YKT6: variants seen among roughly 807,000 people sequenced by gnomAD.
YKT6 encodes the protein synaptobrevin homolog YKT6.
YKT6 carries 12 observed loss-of-function variants against 29.3 expected under a neutral mutation model. The observed-to-expected ratio is 0.41, with a 90% CI of 0.26 to 0.66. The LOEUF is 0.66. YKT6 is among the 30% of genes least tolerant of loss of function. The pLI, the probability that YKT6 is intolerant of heterozygous loss-of-function variation, is 0.32. For synonymous variants in YKT6, 86 were observed against 94.3 expected, an observed-to-expected ratio of 0.91 and a Z score of 0.51; for missense variants, 188 against 243.8, an observed-to-expected ratio of 0.77 and a Z score of 1.52.
intron 5 of YKT6, 141 bp downstream of exon 5, chr7:44,208,339 C>G (rs2096343130): frequency 1.2e-6 from 1 of 846,034 alleles, no homozygotes; most frequent in South Asian, 1.6e-5. Flanking sequence ...CCACCCCTTC[C>G]CCCACCCCGG....
rs1431608371 is a variant in YKT6 at position 44,212,510 on chromosome 7, T to A, written c.*228T>A. ...GAATTTGAGGTCCCCAAAGGTGTAT[T>A]TTTGGGCAAATGAAACCATAAACTC... On this transcript the variant is annotated 3_prime_UTR_variant, in exon 7 of 7. Coordinates refer to ENST00000223369, the MANE Select transcript of YKT6 (RefSeq NM_006555.4). 1.9e-6 allele frequency: 1 copy of A among 517,230 alleles called. No individual in the cohort carries two copies. Among genetic ancestry groups the A allele is most frequent in the African/African-American group, 1.9e-5 (1 of 51,972 alleles). The allele number at this position is 517,230 out of a possible 1,614,324, so 32.0% of individuals were successfully genotyped here.
At chr7:44,201,308 G>T (rs1484634203) in intron 1 of YKT6, 69 bp downstream of exon 1, 1 of 1,407,512 alleles carries the variant, frequency 7.1e-7, no homozygotes, top group African/African-American at 1.5e-5. Context: ...CCGAGTCGGA[G>T]TGGGCCTGGG....
At chr7:44,208,917 G>A (rs910703726) in intron 5 of YKT6, among the ~76,000 whole-genome samples, 3 of 152,026 alleles carry the variant, frequency 2.0e-5, no homozygotes, top group African/African-American at 7.2e-5. Context: ...TCTCAGATCC[G>A]CCCCAGGATA....
At chr7:44,208,327 G>A in intron 5 of YKT6, 129 bp downstream of exon 5, 1 of 974,420 alleles carries the variant, frequency 1.0e-6, no homozygotes, top group Non-Finnish European at 1.6e-6. Context: ...AAGTGGGATT[G>A]CCCACCCCTT....
chr7:44,206,184 C>G (rs2096340611), intron 2 of YKT6, among the ~76,000 whole-genome samples: 1 of 152,196 alleles, frequency 6.6e-6, no homozygotes, highest in Admixed American at 6.5e-5. Context: ...ATTTACTGGT[C>G]CTAAAGCAGG....
chr7:44,212,032 C>T (rs1269009915), intron 6 of YKT6, among the ~76,000 whole-genome samples: 1 of 152,128 alleles, frequency 6.6e-6, no homozygotes, highest in Non-Finnish European at 1.5e-5. Context: ...AAAAAGGATC[C>T]CAGACTAGTT....
At chr7:44,205,562 ATTTG>A (rs2096340003) in intron 2 of YKT6, among the ~76,000 whole-genome samples, 2 of 151,794 alleles carry the variant, frequency 1.3e-5, no homozygotes, top group Admixed American at 1.3e-4. Flanking sequence ...CTCCTCTTTT[ATTTG>A]TTTTTCTGTT....
intron 2 of YKT6, among the ~76,000 whole-genome samples, chr7:44,205,459 C>T (rs1329778388): frequency 6.6e-6 from 1 of 152,214 alleles, no homozygotes; most frequent in African/African-American, 2.4e-5. Flanking sequence ...ATCTGGAGAG[C>T]ATTGGTGACA....
At chr7:44,208,276 A>G in intron 5 of YKT6, 78 bp downstream of exon 5, 3 of 1,497,604 alleles carry the variant, frequency 2.0e-6, no homozygotes, top group African/African-American at 1.4e-5. Flanking sequence ...GCACAGATCC[A>G]TCCTCGTTTT....
At chr7:44,211,459 T>G (rs1019074242) in intron 6 of YKT6, 22 of 843,574 alleles carry the variant, frequency 2.6e-5, no homozygotes, top group Admixed American at 1.5e-4. Context: ...TGTTGAATCT[T>G]ATTCCTCTTT....
rs1039136597 is a variant in YKT6 at position 44,213,668 on chromosome 7, C to G, written c.*1386C>G. On this transcript the variant is annotated 3_prime_UTR_variant, in exon 7 of 7. Coordinates refer to ENST00000223369, the MANE Select transcript of YKT6 (RefSeq NM_006555.4). ...TGGTATGGTCCTTGGGAGCTCTGCT[C>G]TGAGCTTGCCACACTGCTGAGAGCA... is the stretch of plus-strand genomic sequence containing the variant. The G allele has an allele frequency of 6.6e-6, 1 of 152,280 alleles. No homozygotes were observed. Among genetic ancestry groups the G allele is most frequent in the Admixed American group, 6.5e-5 (1 of 15,284 alleles). 9.4% of individuals were successfully genotyped at this position (152,280 alleles called of 1,614,324 possible).
At chr7:44,211,523 G>C in intron 6 of YKT6, 1 of 1,013,310 alleles carries the variant, frequency 9.9e-7, no homozygotes, top group Middle Eastern at 2.9e-4. Flanking sequence ...TTCCTGAAGA[G>C]GTTCTTAAGC....
intron 1 of YKT6, among the ~76,000 whole-genome samples, chr7:44,202,053 T>C (rs2096336281): frequency 6.6e-6 from 1 of 152,208 alleles, no homozygotes; most frequent in African/African-American, 2.4e-5. Context: ...GTGGGAGGGA[T>C]TGGGGTGACT....
In YKT6 at chr7:44,212,381, G is replaced by T; in HGVS notation, c.*99G>T. On this transcript the variant is annotated 3_prime_UTR_variant, in exon 7 of 7. Coordinates refer to ENST00000223369, the MANE Select transcript of YKT6 (RefSeq NM_006555.4). ...AGACAGCCATAGACGAGGAGCCAGA[G>T]TGGGGGCAGACTGGCCATTTTTATT... The T allele has an allele frequency of 6.7e-7, 1 of 1,491,728 alleles. No individual in the cohort carries two copies. The highest frequency in any genetic ancestry group is 9.2e-7 in the Non-Finnish European group (1 of 1,084,434). The allele number at this position is 1,491,728 out of a possible 1,614,324, so 92.4% of individuals were successfully genotyped here.
rs533874349 is a variant in YKT6, at chr7:44,201,991, G to T, written c.104+752G>T. ...ACAGGCTTTTACTTGTTTCTGGGGC[G>T]CTTTAATTGCTGGAACGTGTTAGAA... is the stretch of plus-strand genomic sequence containing the variant. On this transcript the variant is annotated intron_variant, in intron 1 of 6. Coordinates refer to ENST00000223369, the MANE Select transcript of YKT6 (RefSeq NM_006555.4). 3.3e-5 allele frequency among the ~76,000 whole-genome samples: 5 copies of T among 152,286 alleles called. No individual in the cohort carries two copies. In the South Asian group the frequency reaches 8.3e-4, roughly 25 times the overall value.
At chr7:44,206,280 A>C in intron 2 of YKT6, 105 bp from the exon 3 acceptor site, 1 of 1,140,326 alleles carries the variant, frequency 8.8e-7, no homozygotes, top group East Asian at 2.5e-5. Flanking sequence ...TGAGCTTCCG[A>C]GTGGCTTCAT....
chr7:44,210,266 G>A (rs2331003), intron 5 of YKT6, among the ~76,000 whole-genome samples: 127,495 of 152,142 alleles, frequency 0.84, 53,549 homozygotes, highest in African/African-American at 0.9. Flanking sequence ...GCTTTTAACA[G>A]ATAGCTCTGT....
chr7:44,207,262 C>T (rs559478253), intron 3 of YKT6, 126 bp from the exon 4 acceptor site: 1 of 653,780 alleles, frequency 1.5e-6, no homozygotes, highest in East Asian at 2.9e-5. Flanking sequence ...CCCCTCATTC[C>T]TCCTTCCTGG....
intron 1 of YKT6, among the ~76,000 whole-genome samples, chr7:44,203,515 G>A (rs1470567179): frequency 6.6e-6 from 1 of 152,172 alleles, no homozygotes; most frequent in African/African-American, 2.4e-5. Flanking sequence ...CTGTCACAAT[G>A]CAGTTCTTCC....
Sources: allele counts gnomAD v4.1 joint callset (sites outside exome capture counted in the v4.1 genomes callset), GRCh38; gene constraint gnomAD v4.1.1; transcripts MANE v1.5; gene names NCBI Gene and HGNC (gene_info 2026-07-23, HGNC 2026-07-21).